CLSTN2: variants seen among roughly 807,000 people sequenced by gnomAD.
CLSTN2 encodes calsyntenin-2.
Under a neutral mutation model 101.2 loss-of-function variants are expected in CLSTN2, and 48 were observed. That is an observed-to-expected ratio of 0.47 (90% CI 0.38 to 0.60). The LOEUF (loss-of-function observed/expected upper bound fraction) is 0.60. Ranked by LOEUF, CLSTN2 falls within the 20% of genes least tolerant of loss-of-function variation. The pLI is 0.00. For synonymous variants in CLSTN2, 481 were observed against 463.6 expected (o/e 1.04, Z -0.48); for missense variants, 1,160 against 1,238.2 (o/e 0.94, Z 0.95).
chr3:140,051,564 G>C (rs1406188105), intron 1 of CLSTN2, among the ~76,000 whole-genome samples: 1 of 152,152 alleles, frequency 6.6e-6, no homozygotes. Context: ...GCCAGGAGGA[G>C]GGATTATTCA....
At chr3:140,183,130 C>T (rs572998816) in intron 2 of CLSTN2, among the ~76,000 whole-genome samples, 2 of 152,294 alleles carry the variant, frequency 1.3e-5, no homozygotes, top group South Asian at 2.1e-4. Context: ...CACACCCATG[C>T]ACCAGTGACC....
intron 1 of CLSTN2, among the ~76,000 whole-genome samples, chr3:139,978,847 A>G (rs79325736): frequency 0.01 from 1,586 of 152,276 alleles, 30 homozygotes; most frequent in African/African-American, 0.036. Flanking sequence ...AGAGTTGGCT[A>G]AAATAGTTCA....
rs932751713 is a variant in CLSTN2 at position 140,204,236 on chromosome 3, T to C, written c.232+28163T>C. On this transcript the variant is annotated intron_variant, in intron 2 of 16. Transcript: ENST00000458420. ...GTTCATAAGTGGTAGTTGTTTTTAT[T>C]TGGGGCCACCCAAAAACATGTTTTG... 7.2e-5 allele frequency among the ~76,000 whole-genome samples: 11 copies of C among 152,186 alleles called. No homozygotes were observed. In the East Asian group the frequency reaches 1.3e-3, roughly 19 times the overall value.
chr3:140,444,169 C>T (rs181008128), intron 5 of CLSTN2, among the ~76,000 whole-genome samples: 55 of 152,254 alleles, frequency 3.6e-4, no homozygotes, highest in African/African-American at 1.3e-3. Flanking sequence ...AGCTATGTGG[C>T]CTGTAATTCT....
At chr3:140,438,383 A>G (rs1409733401) in intron 5 of CLSTN2, among the ~76,000 whole-genome samples, 1 of 145,480 alleles carries the variant, frequency 6.9e-6, no homozygotes, top group Non-Finnish European at 1.5e-5. Context: ...GTTCAGCGAA[A>G]TGGGAAATCC....
intron 1 of CLSTN2, among the ~76,000 whole-genome samples, chr3:140,022,632 G>A (rs1441277396): frequency 2.0e-5 from 3 of 152,224 alleles, no homozygotes; most frequent in Non-Finnish European, 4.4e-5. Flanking sequence ...AATGGGGAGG[G>A]CCAGGAAGGA....
intron 1 of CLSTN2, among the ~76,000 whole-genome samples, chr3:139,956,173 C>A (rs760489446): frequency 6.6e-6 from 1 of 152,202 alleles, no homozygotes; most frequent in Admixed American, 6.5e-5. Flanking sequence ...GGTATTAGGA[C>A]GTGAACCCAG....
intron 1 of CLSTN2, among the ~76,000 whole-genome samples, chr3:139,976,273 T>A (rs1394221416): frequency 6.6e-6 from 1 of 152,150 alleles, no homozygotes; most frequent in Non-Finnish European, 1.5e-5. Context: ...TTTCTCTGGG[T>A]CCATCCAGGA....
chr3:140,427,315 A>G (rs2088583402), intron 5 of CLSTN2, among the ~76,000 whole-genome samples: 1 of 150,600 alleles, frequency 6.6e-6, no homozygotes, highest in Non-Finnish European at 1.5e-5. Flanking sequence ...GACTCAGTGG[A>G]CCATGGTAGA....
intron 1 of CLSTN2, among the ~76,000 whole-genome samples, chr3:140,142,795 C>A (rs949072643): frequency 6.6e-6 from 1 of 152,114 alleles, no homozygotes; most frequent in Non-Finnish European, 1.5e-5. Context: ...TGATAAGCAC[C>A]TAATTTCCTT....
At chr3:140,304,788 C>A (rs1239987790) in intron 2 of CLSTN2, among the ~76,000 whole-genome samples, 1 of 152,070 alleles carries the variant, frequency 6.6e-6, no homozygotes, top group Non-Finnish European at 1.5e-5. Context: ...GGCTTTGGGT[C>A]CAGCCTGATT....
chr3:139,948,116 C>T (rs529921250), intron 1 of CLSTN2, among the ~76,000 whole-genome samples: 2 of 152,260 alleles, frequency 1.3e-5, no homozygotes, highest in African/African-American at 4.8e-5. Context: ...ATCTTGCCCT[C>T]ACCCCTCCAG....
chr3:140,415,965 CA>C (rs1285031368), intron 4 of CLSTN2, among the ~76,000 whole-genome samples: 1 of 151,972 alleles, frequency 6.6e-6, no homozygotes, highest in Non-Finnish European at 1.5e-5. Flanking sequence ...TGACTGTTGA[CA>C]GATGAATGGA....
intron 10 of CLSTN2, among the ~76,000 whole-genome samples, chr3:140,553,704 A>G (rs1935749683): frequency 6.6e-6 from 1 of 152,326 alleles, no homozygotes; most frequent in South Asian, 2.1e-4. Flanking sequence ...AAGAGGCTCG[A>G]GCATCTTTCA....
At chr3:140,005,910 A>G (rs1269777704) in intron 1 of CLSTN2, among the ~76,000 whole-genome samples, 1 of 152,210 alleles carries the variant, frequency 6.6e-6, no homozygotes, top group East Asian at 1.9e-4. Context: ...CAACCCACAC[A>G]TGCCAGAATG....
At chr3:140,488,305 T>G (rs188360874) in intron 8 of CLSTN2, among the ~76,000 whole-genome samples, 266 of 152,318 alleles carry the variant, frequency 1.7e-3, no homozygotes, top group Non-Finnish European at 3.2e-3. Context: ...GAATGTAGGC[T>G]TTGGAGTTTC....
chr3:140,054,043 C>A (rs1315576987), intron 1 of CLSTN2, among the ~76,000 whole-genome samples: 1 of 152,126 alleles, frequency 6.6e-6, no homozygotes, highest in Non-Finnish European at 1.5e-5. Context: ...TCCTGGCATG[C>A]ACAGATGTTT....
At chr3:140,416,558 T>C (rs2088433239) in intron 4 of CLSTN2, among the ~76,000 whole-genome samples, 1 of 152,206 alleles carries the variant, frequency 6.6e-6, no homozygotes, top group Non-Finnish European at 1.5e-5. Context: ...ATCCTGCAAG[T>C]TGGTGGACCC....
At chr3:140,113,472 G>A (rs993197326) in intron 1 of CLSTN2, among the ~76,000 whole-genome samples, 6 of 152,170 alleles carry the variant, frequency 3.9e-5, no homozygotes, top group East Asian at 3.9e-4. Context: ...TGTCTGAGCC[G>A]TCTCAGGCCT....
Sources: gnomAD v4.1 joint callset for allele counts (sites outside exome capture counted in the v4.1 genomes callset) on GRCh38, gnomAD v4.1.1 for gene constraint, MANE v1.5 for transcripts, NCBI Gene and HGNC (gene_info 2026-07-23, HGNC 2026-07-21) for gene names.